Variants in THSD7B observed in about 807,000 individuals in gnomAD.
THSD7B encodes thrombospondin type 1 domain containing 7B, also known as thrombospondin type-1 domain-containing protein 7B.
A neutral mutation model predicts 213.6 loss-of-function variants in THSD7B; 138 were observed. That is an observed-to-expected ratio of 0.65 (90% confidence interval 0.56 to 0.74). The LOEUF (loss-of-function observed/expected upper bound fraction) is 0.74. Ranked by LOEUF, THSD7B falls within the 30% of genes least tolerant of loss-of-function variation. The pLI, the probability that THSD7B is intolerant of heterozygous loss-of-function variation, is 0.00. For synonymous variants in THSD7B, 742 were observed against 687.0 expected (o/e 1.08, Z -1.25); for missense variants, 1,931 against 1,991.5 (o/e 0.97, Z 0.58).
chr2:137,387,185 G>A (rs1685916115), intron 12 of THSD7B, among the ~76,000 whole-genome samples: 1 of 152,196 alleles, frequency 6.6e-6, no homozygotes, highest in Non-Finnish European at 1.5e-5. Context: ...GGAACATGTG[G>A]CCTCAGTCAT....
rs186463703 is a variant in THSD7B, at chr2:136,967,009, T to G, written c.139+84692T>G. Reference sequence around the variant, plus strand: ...TGACTTTTATTTAACTGCCATTCCATTTTGATATGCCGTGTATCTTCAGCT... The same window carrying G: ...TGACTTTTATTTAACTGCCATTCCAGTTTGATATGCCGTGTATCTTCAGCT... On this transcript the variant is annotated intron_variant, in intron 2 of 27. Transcript: ENST00000409968. Among the ~76,000 whole-genome samples, 5 of 152,282 alleles carry G rather than the reference T, an allele frequency of 3.3e-5. No individual in the cohort carries two copies. In the East Asian group the frequency reaches 9.7e-4, roughly 29 times the overall value.
At chr2:137,246,165 A>G (rs1682030021) in intron 10 of THSD7B, among the ~76,000 whole-genome samples, 2 of 152,190 alleles carry the variant, frequency 1.3e-5, no homozygotes, top group Admixed American at 6.5e-5. Flanking sequence ...GAAGAGATCC[A>G]GGAGGAGGAT....
chr2:137,333,725 TC>T (rs1019654059), intron 12 of THSD7B, among the ~76,000 whole-genome samples: 1 of 152,224 alleles, frequency 6.6e-6, no homozygotes, highest in African/African-American at 2.4e-5. Context: ...TTCTCTTCAC[TC>T]CCTGCCCTTA....
intron 2 of THSD7B, among the ~76,000 whole-genome samples, chr2:137,012,656 C>T (rs908756013): frequency 1.3e-5 from 2 of 152,144 alleles, no homozygotes; most frequent in Non-Finnish European, 2.9e-5. Context: ...GAACCAAACT[C>T]GAGGTCCTTT....
chr2:137,412,597 C>CAAAAAAA lies in THSD7B; in HGVS notation c.2959+732_2959+738dup, dbSNP rs748551585. 9.5e-3 allele frequency among the ~76,000 whole-genome samples: 218 copies of CAAAAAAA among 22,948 alleles called. 28 individuals are homozygous for CAAAAAAA. Among genetic ancestry groups the CAAAAAAA allele is most frequent in the Non-Finnish European group, 0.015 (155 of 10,474 alleles). 15.1% of individuals were successfully genotyped at this position (22,948 alleles called of 152,430 possible). A position where few individuals can be genotyped will look rare whatever the true frequency, so the allele number is the denominator to read the frequency against. On this transcript the variant is annotated intron_variant, in intron 14 of 27. Coordinates refer to ENST00000409968, the MANE Select transcript of THSD7B (RefSeq NM_001316349.2). ...GGGCAACGAGAGCAAAACTCTGTCT[C>CAAAAAAA]AAAAAAAAAAAAACAAAAAAAAACA...
chr2:137,318,339 A>G (rs563790965), intron 12 of THSD7B, among the ~76,000 whole-genome samples: 22 of 152,288 alleles, frequency 1.4e-4, no homozygotes, highest in South Asian at 6.2e-4. Context: ...TCCCTGTCCA[A>G]TGTTGCAGAA....
chr2:136,797,012 A>ACACACACACACACACACACAC (rs1553449017), intron 1 of THSD7B, among the ~76,000 whole-genome samples: 1 of 148,932 alleles, frequency 6.7e-6, no homozygotes, highest in Non-Finnish European at 1.5e-5. Context: ...ACACACACAC[A>ACACACACACACACACACACAC]ACCTAAAAAA....
intron 12 of THSD7B, among the ~76,000 whole-genome samples, chr2:137,404,593 A>G (rs1040476657): frequency 3.6e-4 from 54 of 149,938 alleles, no homozygotes; most frequent in African/African-American, 1.3e-3. Context: ...GATACTATAT[A>G]TACACACACA....
intron 1 of THSD7B, among the ~76,000 whole-genome samples, chr2:136,878,248 A>G (rs901901538): frequency 6.6e-6 from 1 of 152,020 alleles, no homozygotes; most frequent in African/African-American, 2.4e-5. Flanking sequence ...AAGGACATGA[A>G]CTTATTTTTT....
intron 12 of THSD7B, among the ~76,000 whole-genome samples, chr2:137,316,858 A>G (rs1331074197): frequency 6.6e-6 from 1 of 152,154 alleles, no homozygotes; most frequent in Admixed American, 6.5e-5. Flanking sequence ...GTGAGCCAGT[A>G]GAAGTGGGAT....
intron 16 of THSD7B, among the ~76,000 whole-genome samples, chr2:137,563,568 C>T (rs1223479106): frequency 1.3e-5 from 2 of 152,122 alleles, no homozygotes; most frequent in Non-Finnish European, 2.9e-5. Context: ...AATCCTTTAG[C>T]GTATCCTGCA....
At chr2:137,515,704 A>C (rs899315406) in intron 15 of THSD7B, among the ~76,000 whole-genome samples, 1 of 151,976 alleles carries the variant, frequency 6.6e-6, no homozygotes, top group African/African-American at 2.4e-5. Flanking sequence ...CAGGGAGTTA[A>C]AAAAGTTTCT....
intron 2 of THSD7B, among the ~76,000 whole-genome samples, chr2:136,978,370 T>C (rs143458360): frequency 6.6e-4 from 101 of 152,302 alleles, no homozygotes; most frequent in African/African-American, 2.3e-3. Context: ...CGATGATCTG[T>C]CTAATACTGA....
chr2:137,526,816 G>A (rs1004408292), intron 15 of THSD7B, among the ~76,000 whole-genome samples: 1 of 152,120 alleles, frequency 6.6e-6, no homozygotes, highest in Non-Finnish European at 1.5e-5. Context: ...GAATAAGAGG[G>A]TATTGGCCTA....
rs571406993 is a variant in THSD7B, at chr2:137,047,149, C to T, written c.140-9271C>T. ...TTCTTGAAGGCGGAATGGGAGGATA[C>T]TCCTTTCATCCATGCGAGAGAAAGC... On this transcript the variant is annotated intron_variant, in intron 2 of 27. Coordinates refer to ENST00000409968, the MANE Select transcript of THSD7B (RefSeq NM_001316349.2). 1.3e-4 allele frequency among the ~76,000 whole-genome samples: 20 copies of T among 152,294 alleles called. 1 individual carries two copies. The South Asian group carries it at 4.1e-3, about 32-fold the overall frequency.
At chr2:137,155,667 C>G (rs988844843) in intron 5 of THSD7B, among the ~76,000 whole-genome samples, 3 of 152,144 alleles carry the variant, frequency 2.0e-5, no homozygotes, top group African/African-American at 7.2e-5. Context: ...GTCATTTGAA[C>G]TGGAGCAAAT....
chr2:136,864,071 A>G (rs1683295430), intron 1 of THSD7B, among the ~76,000 whole-genome samples: 1 of 152,138 alleles, frequency 6.6e-6, no homozygotes. Flanking sequence ...AAACAACACT[A>G]TTTTTAAAGT....
At chr2:137,609,952 G>A (rs1682257826) in intron 17 of THSD7B, among the ~76,000 whole-genome samples, 1 of 152,092 alleles carries the variant, frequency 6.6e-6, no homozygotes, top group South Asian at 2.1e-4. Context: ...GTTGTAAGGT[G>A]TAAGAAAAAT....
At chr2:136,917,453 C>CA (rs1684367450) in intron 2 of THSD7B, among the ~76,000 whole-genome samples, 1 of 152,158 alleles carries the variant, frequency 6.6e-6, no homozygotes, top group Admixed American at 6.5e-5. Flanking sequence ...GTCAGTGAGT[C>CA]AGCTTATGTG....
Sources: gnomAD v4.1 joint callset for allele counts (sites outside exome capture counted in the v4.1 genomes callset) on GRCh38, gnomAD v4.1.1 for gene constraint, MANE v1.5 for transcripts, NCBI Gene and HGNC (gene_info 2026-07-23, HGNC 2026-07-21) for gene names.